EPB41L3: variants seen among roughly 807,000 people sequenced by gnomAD.
The protein encoded by EPB41L3 is band 4.1-like protein 3.
In EPB41L3, 57 loss-of-function variants were observed where a neutral mutation model predicts 127.1. That is an observed-to-expected ratio of 0.45 (90% CI 0.36 to 0.56). EPB41L3 has a LOEUF of 0.56. Ranked by LOEUF, EPB41L3 falls within the 20% of genes least tolerant of loss-of-function variation. The pLI, the probability that EPB41L3 is intolerant of heterozygous loss-of-function variation, is 0.00. For synonymous variants in EPB41L3, 572 were observed against 549.5 expected (o/e 1.04, Z -0.57); for missense variants, 1,273 against 1,372.2 (o/e 0.93, Z 1.14).
chr18:5,451,681 G>T (rs571339111), intron 3 of EPB41L3, among the ~76,000 whole-genome samples: 1 of 152,260 alleles, frequency 6.6e-6, no homozygotes, highest in African/African-American at 2.4e-5. Flanking sequence ...CTTTACAAAA[G>T]TATTTTTCTC....
intron 3 of EPB41L3, among the ~76,000 whole-genome samples, chr18:5,562,417 G>A (rs747893654): frequency 1.3e-5 from 2 of 152,208 alleles, no homozygotes; most frequent in Non-Finnish European, 2.9e-5. Flanking sequence ...GGGATCGTAA[G>A]TAGCTTAGAA....
intron 3 of EPB41L3, among the ~76,000 whole-genome samples, chr18:5,465,307 G>A (rs751656173): frequency 5.3e-5 from 8 of 152,132 alleles, no homozygotes; most frequent in Non-Finnish European, 1.2e-4. Context: ...AGTAGCTGAT[G>A]GGAAAACACA....
intron 3 of EPB41L3, among the ~76,000 whole-genome samples, chr18:5,571,106 T>C (rs910590404): frequency 6.6e-6 from 1 of 152,192 alleles, no homozygotes; most frequent in African/African-American, 2.4e-5. Context: ...AAGGTTAAAG[T>C]GAAAAACTGG....
upstream of EPB41L3, chr18:5,630,275 A>AC: frequency 2.1e-6 from 1 of 474,882 alleles, no homozygotes; most frequent in Non-Finnish European, 4.1e-6. Context: ...TCCCCCATCG[A>AC]CCTCGAGCCA....
chr18:5,421,424 T>C (rs1039527886), intron 11 of EPB41L3, among the ~76,000 whole-genome samples: 1 of 152,172 alleles, frequency 6.6e-6, no homozygotes, highest in African/African-American at 2.4e-5. Context: ...AAGAAAAGCT[T>C]CAATGTTAAC....
intron 3 of EPB41L3, among the ~76,000 whole-genome samples, chr18:5,575,634 C>T (rs1428244919): frequency 3.9e-5 from 6 of 151,972 alleles, no homozygotes; most frequent in Admixed American, 6.6e-5. Context: ...GTCAGGAGTT[C>T]GAGACCAGCC....
chr18:5,400,502 G>C (rs1271900865), intron 16 of EPB41L3: 3 of 456,304 alleles, frequency 6.6e-6, no homozygotes, highest in East Asian at 1.4e-4. Flanking sequence ...ATAACCTCTA[G>C]GGTTGATGGG....
At chr18:5,612,598 G>A (rs976128989) in intron 2 of EPB41L3, among the ~76,000 whole-genome samples, 15 of 152,188 alleles carry the variant, frequency 9.9e-5, no homozygotes, top group Admixed American at 8.5e-4. Flanking sequence ...TGTATTGGCC[G>A]AAGAGAACCC....
At chr18:5,481,636 C>T (rs571678220) in intron 2 of EPB41L3, among the ~76,000 whole-genome samples, 3 of 152,272 alleles carry the variant, frequency 2.0e-5, no homozygotes, top group Admixed American at 6.5e-5. Flanking sequence ...GGGACCACCA[C>T]CCCAGTCCTG....
intron 9 of EPB41L3, among the ~76,000 whole-genome samples, chr18:5,424,598 T>C (rs1241517177): frequency 6.6e-6 from 1 of 152,232 alleles, no homozygotes; most frequent in Non-Finnish European, 1.5e-5. Context: ...TCTGAATAAG[T>C]GTGTATCTTA....
intron 3 of EPB41L3, among the ~76,000 whole-genome samples, chr18:5,462,058 C>T (rs549078558): frequency 1.3e-5 from 2 of 152,258 alleles, no homozygotes; most frequent in South Asian, 2.1e-4. Context: ...GGAGGCTACA[C>T]TTAAAGGGTT....
intron 3 of EPB41L3, among the ~76,000 whole-genome samples, chr18:5,566,777 CT>C (rs1568583973): frequency 2.0e-5 from 3 of 146,880 alleles, no homozygotes; most frequent in Non-Finnish European, 4.5e-5. Context: ...CTATTCTATT[CT>C]ATTCTATTCT....
intron 1 of EPB41L3, among the ~76,000 whole-genome samples, chr18:5,530,779 G>A (rs1280532013): frequency 1.3e-5 from 2 of 152,130 alleles, no homozygotes; most frequent in African/African-American, 4.8e-5. Flanking sequence ...CAGCTGGTAG[G>A]TGAGCTTCCT....
intron 15 of EPB41L3, 158 bp from the exon 16 acceptor site, chr18:5,407,126 A>C: frequency 1.6e-6 from 1 of 624,960 alleles, no homozygotes; most frequent in Non-Finnish European, 2.8e-6. Flanking sequence ...CACTCTGGTG[A>C]AAATGTGATT....
chr18:5,508,595 G>A (rs1035174210), intron 1 of EPB41L3, among the ~76,000 whole-genome samples: 13 of 151,570 alleles, frequency 8.6e-5, no homozygotes, highest in African/African-American at 2.4e-4. Flanking sequence ...GTGAAACCCC[G>A]TCTCTACTAA....
chr18:5,471,246 T>C (rs973714251), intron 3 of EPB41L3, among the ~76,000 whole-genome samples: 3 of 152,176 alleles, frequency 2.0e-5, no homozygotes, highest in African/African-American at 7.2e-5. Context: ...GAAGAAGCAG[T>C]TGAAAGGGCA....
At chr18:5,607,725 A>C (rs2094676844) in intron 3 of EPB41L3, among the ~76,000 whole-genome samples, 1 of 152,172 alleles carries the variant, frequency 6.6e-6, no homozygotes, top group African/African-American at 2.4e-5. Context: ...ACTTATCTAG[A>C]GACAGAAATA....
At position 5,433,514 on chromosome 18, in the gene EPB41L3, A is replaced by G; in HGVS notation, c.867T>C (p.Asn289=). 2 of 1,613,632 alleles carry G rather than the reference A, an allele frequency of 1.2e-6. No homozygotes were observed. The highest frequency in any genetic ancestry group is 8.5e-7 in the Non-Finnish European group (1 of 1,179,896). ...PAEAEMHFLE[N]AKKLSMYGVD... ...CCCCATACATTGATAATTTTTTGGC[A>G]TTTTCCAAGAAATGCATCTCTGCTT... The change falls in exon 8 of 23, where the codon AAT becomes AAC. Residue 289 remains asparagine, a synonymous_variant. Coordinates refer to ENST00000341928, the MANE Select transcript of EPB41L3 (RefSeq NM_012307.5).
intron 1 of EPB41L3, among the ~76,000 whole-genome samples, chr18:5,625,682 T>C (rs887057265): frequency 2.0e-5 from 3 of 152,198 alleles, no homozygotes; most frequent in Non-Finnish European, 2.9e-5. Context: ...AGAAAACCAG[T>C]AGCTTGTTGC....
Sources: allele counts gnomAD v4.1 joint callset (sites outside exome capture counted in the v4.1 genomes callset), GRCh38; gene constraint gnomAD v4.1.1; transcripts MANE v1.5; gene names NCBI Gene and HGNC (gene_info 2026-07-23, HGNC 2026-07-21).